UCK2: variants seen among roughly 807,000 people sequenced by gnomAD.
UCK2 encodes uridine-cytidine kinase 2.
In UCK2, 6 loss-of-function variants were observed where a neutral mutation model predicts 30.8. The observed-to-expected ratio is 0.19, with a 90% CI of 0.11 to 0.38. The LOEUF is 0.38. UCK2 is among the 10% of genes least tolerant of loss of function. The pLI is 1.00. For synonymous variants in UCK2, 125 were observed against 133.6 expected, an observed-to-expected ratio of 0.94 and a Z score of 0.45; for missense variants, 210 against 339.8, an observed-to-expected ratio of 0.62 and a Z score of 3.00.
chr1:165,844,689 G>T (rs1654405378), intron 1 of UCK2, among the ~76,000 whole-genome samples: 1 of 152,282 alleles, frequency 6.6e-6, no homozygotes, highest in East Asian at 1.9e-4. Flanking sequence ...GAGAGGGAGA[G>T]GGGGGCTGAA....
intron 1 of UCK2, among the ~76,000 whole-genome samples, chr1:165,830,137 C>T (rs929762019): frequency 5.9e-5 from 9 of 151,912 alleles, no homozygotes; most frequent in Non-Finnish European, 1.5e-5. Flanking sequence ...TCCAGAGTAG[C>T]TGAGACTACA....
At chr1:165,892,792 A>G (rs1291697160) in intron 3 of UCK2, 1 of 152,398 alleles carries the variant, frequency 6.6e-6, no homozygotes, top group Non-Finnish European at 1.5e-5. Flanking sequence ...GGAGGAGGTG[A>G]TATTTAAGCT....
At chr1:165,836,267 A>G (rs1654189168) in intron 1 of UCK2, among the ~76,000 whole-genome samples, 2 of 152,294 alleles carry the variant, frequency 1.3e-5, no homozygotes, top group African/African-American at 2.4e-5. Flanking sequence ...CCAAATGGAT[A>G]TGTTATACAT....
chr1:165,854,298 C>A (rs548807728), intron 1 of UCK2, among the ~76,000 whole-genome samples: 1 of 152,128 alleles, frequency 6.6e-6, no homozygotes, highest in Admixed American at 6.5e-5. Flanking sequence ...TGCTGCTGGA[C>A]GTATGTGTGG....
chr1:165,885,702 G>C (rs997553795), intron 1 of UCK2, among the ~76,000 whole-genome samples: 1 of 152,222 alleles, frequency 6.6e-6, no homozygotes, highest in Non-Finnish European at 1.5e-5. Flanking sequence ...CACTGGAGAT[G>C]GACGGCTAGA....
rs75019377 is a variant in UCK2, at chr1:165,845,468, T to G, written c.99+17536T>G. On this transcript the variant is annotated intron_variant, in intron 1 of 6. Coordinates refer to ENST00000367879, the MANE Select transcript of UCK2 (RefSeq NM_012474.5). ...TACCTCTCTTGGGAAACAGACTTTT[T>G]TTCTTCGCAACTCTTTGGAGAGCAT... 1.2e-3 allele frequency among the ~76,000 whole-genome samples: 190 copies of G among 152,332 alleles called. 6 individuals are homozygous for G. In the East Asian group the frequency reaches 0.032, roughly 26 times the overall value.
In UCK2 at chr1:165,877,256, G is replaced by A. The variant is rs1051937091; in HGVS notation, c.100-12948G>A. On this transcript the variant is annotated intron_variant, in intron 1 of 6. Coordinates refer to ENST00000367879, the MANE Select transcript of UCK2 (RefSeq NM_012474.5). ...GACAAATGGCAGAAGATGGATAGTC[G>A]CTAATCTTTTTTTTAGATAAACATT... is the stretch of plus-strand genomic sequence containing the variant. 5.5e-5 allele frequency among the ~76,000 whole-genome samples: 8 copies of A among 146,200 alleles called. No homozygotes were observed. The South Asian group carries it at 1.3e-3, about 24-fold the overall frequency.
chr1:165,842,387 C>T (rs1358350630), intron 1 of UCK2, among the ~76,000 whole-genome samples: 1 of 152,172 alleles, frequency 6.6e-6, no homozygotes, highest in African/African-American at 2.4e-5. Flanking sequence ...TCATGTTCTT[C>T]ACCAATGATT....
intron 3 of UCK2, 104 bp from the exon 4 acceptor site, chr1:165,896,086 G>T: frequency 1.4e-6 from 2 of 1,469,044 alleles, no homozygotes; most frequent in Non-Finnish European, 9.3e-7. Context: ...GTCTGTGGGG[G>T]CAAGGAACCC....
Position 165,907,890 on chromosome 1 carries a change from T to C in UCK2, c.*67T>C, listed in dbSNP as rs1647726722. The C allele has an allele frequency of 6.3e-7, 1 of 1,582,754 alleles. No homozygotes were observed. The highest frequency in any genetic ancestry group is 2.2e-5 in the East Asian group (1 of 44,572). On this transcript the variant is annotated 3_prime_UTR_variant, in exon 7 of 7. Coordinates refer to ENST00000367879, the MANE Select transcript of UCK2 (RefSeq NM_012474.5). ...AGGAGGGGTCAGGAGGCACTGCTCA[T>C]CTGTACATACTGTTTCCTATGACAT...
intron 1 of UCK2, among the ~76,000 whole-genome samples, chr1:165,861,627 CAAAAAA>C (rs1223282712): frequency 2.5e-4 from 4 of 15,922 alleles, no homozygotes; most frequent in African/African-American, 4.7e-4. Flanking sequence ...GACTCCGTCT[CAAAAAA>C]AAAAAAAAAA....
intron 1 of UCK2, among the ~76,000 whole-genome samples, chr1:165,847,436 C>T (rs934288878): frequency 8.5e-5 from 13 of 152,166 alleles, no homozygotes; most frequent in African/African-American, 3.1e-4. Flanking sequence ...AGTAGTCCTT[C>T]TTTCTTCACC....
intron 1 of UCK2, among the ~76,000 whole-genome samples, chr1:165,844,654 C>T (rs1387461113): frequency 6.6e-6 from 1 of 152,178 alleles, no homozygotes; most frequent in Non-Finnish European, 1.5e-5. Flanking sequence ...ACTTTCAGCC[C>T]CATGCCCCTG....
At chr1:165,840,460 G>A (rs1654300101) in intron 1 of UCK2, among the ~76,000 whole-genome samples, 1 of 152,210 alleles carries the variant, frequency 6.6e-6, no homozygotes, top group African/African-American at 2.4e-5. Flanking sequence ...TAGTCAGCAT[G>A]TGGTGCAATC....
intron 1 of UCK2, among the ~76,000 whole-genome samples, chr1:165,877,634 G>T (rs755942372): frequency 6.6e-6 from 1 of 152,188 alleles, no homozygotes; most frequent in Non-Finnish European, 1.5e-5. Context: ...CCATTGTATG[G>T]ATATACCGTA....
intron 1 of UCK2, among the ~76,000 whole-genome samples, chr1:165,871,683 C>T (rs560293555): frequency 8.6e-5 from 13 of 151,464 alleles, no homozygotes; most frequent in Middle Eastern, 3.4e-3. Flanking sequence ...AGTGAGCTAC[C>T]GAGGAGTAAG....
rs143632480 is a variant in UCK2 at position 165,853,491 on chromosome 1, C to G, written c.99+25559C>G. On this transcript the variant is annotated intron_variant, in intron 1 of 6. Transcript: ENST00000367879. ...TAGTGGGTTCTCTCTCACCCACCCC[C>G]GCTCCAACCAGGTGTTTGCAGAAAG... Among the ~76,000 whole-genome samples the G allele has an allele frequency of 7.3e-4, 111 of 152,046 alleles. 1 individual carries two copies. Among genetic ancestry groups the G allele is most frequent in the African/African-American group, 2.5e-3 (104 of 41,468 alleles).
At chr1:165,891,524 G>A (rs1054442041) in intron 3 of UCK2, 9 of 561,408 alleles carry the variant, frequency 1.6e-5, no homozygotes, top group Non-Finnish European at 2.3e-5. Context: ...TCATCTGAGC[G>A]CTCCCTGGAA....
intron 1 of UCK2, among the ~76,000 whole-genome samples, chr1:165,878,772 T>C (rs1206174489): frequency 6.6e-6 from 1 of 152,278 alleles, no homozygotes; most frequent in Admixed American, 6.5e-5. Context: ...ATAAAGCTTC[T>C]ATAAATACCA....
Sources: allele counts gnomAD v4.1 joint callset (sites outside exome capture counted in the v4.1 genomes callset), GRCh38; gene constraint gnomAD v4.1.1; transcripts MANE v1.5; gene names NCBI Gene and HGNC (gene_info 2026-07-23, HGNC 2026-07-21).